Variants in FHIT observed in about 807,000 individuals in gnomAD.
FHIT encodes the protein bis(5'-adenosyl)-triphosphatase.
FHIT carries 19 observed loss-of-function variants against 17.9 expected under a neutral mutation model. The ratio of observed to expected loss-of-function variants is 1.06; its 90% confidence interval spans 0.74 to 1.56. FHIT has a LOEUF of 1.56. Ranked by LOEUF, FHIT falls within the 40% of genes most tolerant of loss-of-function variation. The probability of loss-of-function intolerance (pLI) is 0.00; values close to 1 mark genes in which losing one functional copy is unlikely to be tolerated. For synonymous variants in FHIT, 81 were observed against 69.7 expected (o/e 1.16, Z -0.81); for missense variants, 248 against 189.2 (o/e 1.31, Z -1.82).
intron 4 of FHIT, among the ~76,000 whole-genome samples, chr3:60,618,791 A>C (rs1559587568): frequency 6.6e-6 from 1 of 152,196 alleles, no homozygotes; most frequent in Non-Finnish European, 1.5e-5. Flanking sequence ...AAGTGGAAGA[A>C]GGAGGCAAAA....
At chr3:59,759,502 T>G (rs1004774480) in intron 8 of FHIT, among the ~76,000 whole-genome samples, 1 of 152,182 alleles carries the variant, frequency 6.6e-6, no homozygotes, top group African/African-American at 2.4e-5. Context: ...CCCTGGTGCT[T>G]GTCTGTAAAG....
At chr3:60,011,119 G>C (rs184011966) in intron 7 of FHIT, among the ~76,000 whole-genome samples, 1 of 152,184 alleles carries the variant, frequency 6.6e-6, no homozygotes. Context: ...CGGACTCCTT[G>C]ATTTAGTTTC....
intron 5 of FHIT, among the ~76,000 whole-genome samples, chr3:60,107,150 CTTTTTTTT>C (rs540311961): frequency 1.1e-5 from 1 of 95,156 alleles, no homozygotes; most frequent in African/African-American, 4.1e-5. Flanking sequence ...AGCTTTAATT[CTTTTTTTT>C]TTTTTTTTTT....
intron 5 of FHIT, among the ~76,000 whole-genome samples, chr3:60,456,073 G>C (rs1186022410): frequency 2.0e-5 from 3 of 152,100 alleles, no homozygotes; most frequent in Non-Finnish European, 4.4e-5. Context: ...TAGAATATCT[G>C]AAAGAGTTGG....
intron 3 of FHIT, among the ~76,000 whole-genome samples, chr3:60,889,448 A>G (rs1364549398): frequency 2.0e-5 from 3 of 152,252 alleles, no homozygotes; most frequent in Non-Finnish European, 2.9e-5. Context: ...AACTTTATAT[A>G]TAACAACCAC....
Position 59,761,096 on chromosome 3 carries a change from C to T in FHIT, c.349-8775G>A, listed in dbSNP as rs1046766053. Among the ~76,000 whole-genome samples, 9 of 152,192 alleles carry T rather than the reference C, an allele frequency of 5.9e-5. No individual in the cohort carries two copies. The South Asian group carries it at 1.9e-3, about 32-fold the overall frequency. On this transcript the variant is annotated intron_variant, in intron 8 of 9. Transcript: ENST00000492590. Reference sequence around the variant, plus strand: ...GACACCCCATTGCTATGATTTTCTTCTCAACCTTGTAAGGGATTGGAACGA... The same window carrying T: ...GACACCCCATTGCTATGATTTTCTTTTCAACCTTGTAAGGGATTGGAACGA...
chr3:59,991,395 A>G (rs1260182880), intron 7 of FHIT, among the ~76,000 whole-genome samples: 1 of 152,056 alleles, frequency 6.6e-6, no homozygotes, highest in Admixed American at 6.6e-5. Flanking sequence ...TTGGCCTGCA[A>G]TGTAAATGAT....
intron 3 of FHIT, among the ~76,000 whole-genome samples, chr3:60,951,022 T>C (rs1244527255): frequency 6.6e-6 from 1 of 152,194 alleles, no homozygotes; most frequent in African/African-American, 2.4e-5. Flanking sequence ...GATTATCCTC[T>C]AAAGACTTGG....
Position 60,956,395 on chromosome 3 carries a change from T to TTC in FHIT, c.-111+85650_-111+85651dup, listed in dbSNP as rs199517170. 5.7e-3 allele frequency among the ~76,000 whole-genome samples: 862 copies of TTC among 152,206 alleles called. 6 individuals carry two copies. The highest frequency in any genetic ancestry group is 0.02 in the African/African-American group (821 of 41,528). On this transcript the variant is annotated intron_variant, in intron 3 of 9. Coordinates refer to ENST00000492590, the MANE Select transcript of FHIT (RefSeq NM_002012.4). ...GCCTTTCAGATCCGAGGTTGAAACA[T>TTC]TCTCTCTCTCTTGGGCTGCAGGTTC...
chr3:59,817,254 T>C (rs183659594), intron 8 of FHIT, among the ~76,000 whole-genome samples: 1 of 152,332 alleles, frequency 6.6e-6, no homozygotes, highest in East Asian at 1.9e-4. Context: ...TCAGGTTTGC[T>C]ATCCCAGATA....
At chr3:59,757,777 T>C (rs866923938) in intron 8 of FHIT, among the ~76,000 whole-genome samples, 14 of 152,210 alleles carry the variant, frequency 9.2e-5, no homozygotes, top group African/African-American at 3.1e-4. Context: ...AATAAACCAT[T>C]TCTTATGGGT....
Position 60,048,876 on chromosome 3 carries a change from T to C in FHIT, c.104-34724A>G, listed in dbSNP as rs190044520. On this transcript the variant is annotated intron_variant, in intron 5 of 9. Transcript: ENST00000492590. ...CTTAAAAATGGAAGATTTGAAAACA[T>C]GATTGTGAAACCATAATTTTGCACT... Among the ~76,000 whole-genome samples, 622 of 152,320 alleles carry C rather than the reference T, an allele frequency of 4.1e-3. 5 individuals are homozygous for C. Among genetic ancestry groups the C allele is most frequent in the African/African-American group, 0.014 (601 of 41,576 alleles).
chr3:59,762,977 C>T (rs1014385017), intron 8 of FHIT, among the ~76,000 whole-genome samples: 4 of 152,312 alleles, frequency 2.6e-5, no homozygotes, highest in East Asian at 1.9e-4. Flanking sequence ...AAGCAGACTT[C>T]GGAGAAGGAA....
chr3:60,753,699 G>C (rs1398272752), intron 4 of FHIT, among the ~76,000 whole-genome samples: 2 of 152,058 alleles, frequency 1.3e-5, no homozygotes, highest in Non-Finnish European at 2.9e-5. Flanking sequence ...CCTCTTGTGG[G>C]AACTCACAAG....
rs141409491 is a variant in FHIT, at chr3:61,192,116, G to A, written c.-164+8501C>T. 5.9e-3 allele frequency among the ~76,000 whole-genome samples: 899 copies of A among 152,184 alleles called. 7 individuals carry two copies. Among genetic ancestry groups the A allele is most frequent in the Middle Eastern group, 0.017 (5 of 294 alleles). On this transcript the variant is annotated intron_variant, in intron 2 of 9. Coordinates refer to ENST00000492590, the MANE Select transcript of FHIT (RefSeq NM_002012.4). The stretch of plus-strand genomic sequence containing the variant: ...AACCAGCCATCTTAGAACTATGAAG[G>A]CAGCCAGTCTAAGAACTAAGTCAAC...
intron 4 of FHIT, among the ~76,000 whole-genome samples, chr3:60,743,358 T>C (rs1276781689): frequency 6.6e-6 from 1 of 152,218 alleles, no homozygotes; most frequent in African/African-American, 2.4e-5. Flanking sequence ...CTCCTAGGGA[T>C]GCAGGTCAAT....
In FHIT at chr3:60,119,541, G is replaced by A. The variant is rs182733064; in HGVS notation, c.104-105389C>T. Among the ~76,000 whole-genome samples the A allele has an allele frequency of 7.6e-3, 1,157 of 152,170 alleles. 11 individuals carry two copies. The highest frequency in any genetic ancestry group is 0.012 in the Non-Finnish European group (799 of 68,016). Reference sequence around the variant, plus strand: ...TATAAAATCCAGGATATATGGGAGGGGTATTGCATATTTATTGTTTCTTTG... The same window carrying A: ...TATAAAATCCAGGATATATGGGAGGAGTATTGCATATTTATTGTTTCTTTG... On this transcript the variant is annotated intron_variant, in intron 5 of 9. Transcript: ENST00000492590.
intron 3 of FHIT, among the ~76,000 whole-genome samples, chr3:60,838,451 G>A (rs904041851): frequency 4.6e-5 from 7 of 152,144 alleles, no homozygotes; most frequent in African/African-American, 1.7e-4. Flanking sequence ...CAGCCTGGGC[G>A]ACAGAGCAAG....
intron 3 of FHIT, among the ~76,000 whole-genome samples, chr3:61,032,537 C>A (rs2033057668): frequency 6.6e-6 from 1 of 152,210 alleles, no homozygotes; most frequent in Non-Finnish European, 1.5e-5. Flanking sequence ...CACCTCATTT[C>A]TGGCACAGCA....
Sources: gnomAD v4.1 joint callset for allele counts (sites outside exome capture counted in the v4.1 genomes callset) on GRCh38, gnomAD v4.1.1 for gene constraint, MANE v1.5 for transcripts, NCBI Gene and HGNC (gene_info 2026-07-23, HGNC 2026-07-21) for gene names.